The following COLQ variants were observed in gnomAD, a reference collection of about 807,000 sequenced individuals.
COLQ encodes the protein collagen like tail subunit of asymmetric acetylcholinesterase.
A neutral mutation model predicts 69.0 loss-of-function variants in COLQ; 48 were observed. The observed-to-expected ratio is 0.70, with a 90% CI of 0.55 to 0.88. The LOEUF is 0.88. Ranked by LOEUF, COLQ falls within the 40% of genes least tolerant of loss-of-function variation. The pLI is 0.00. For missense variants in COLQ, 618 were observed against 594.6 expected (o/e 1.04, Z -0.41); for synonymous variants, 217 against 211.2 (o/e 1.03, Z -0.24).
At position 15,451,601 on chromosome 3, in the gene COLQ, C is replaced by A. The variant is rs773025427; in HGVS notation, c.*43G>T. On this transcript the variant is annotated 3_prime_UTR_variant, in exon 17 of 17. Transcript: ENST00000383788. The stretch of plus-strand genomic sequence containing the variant: ...CAGTTTGATGACAGTGGAGAAGCTG[C>A]TGCCAGTTCTGTGGGGCGCAGCCCA... The A allele has an allele frequency of 3.2e-6, 5 of 1,581,014 alleles. No individual in the cohort carries two copies. In the South Asian group the frequency reaches 4.4e-5, roughly 14 times the overall value.
In COLQ at chr3:15,491,013, T is replaced by C. The variant is rs534282677; in HGVS notation, c.107-1376A>G. 3.2e-4 allele frequency among the ~76,000 whole-genome samples: 49 copies of C among 151,754 alleles called. No individual in the cohort carries two copies. The South Asian group carries it at 8.5e-3, about 26-fold the overall frequency. ...TGGGCATTGGCCAGGACCATATATATGTTCTCTGGTGTTTGCACTGAGAAA... is the reference window on the plus strand; with the variant it reads ...TGGGCATTGGCCAGGACCATATATACGTTCTCTGGTGTTTGCACTGAGAAA... On this transcript the variant is annotated intron_variant, in intron 1 of 16. Transcript: ENST00000383788.
In COLQ at chr3:15,521,675, G is replaced by A; in HGVS notation, c.-50C>T. Reference sequence around the variant, plus strand: ...AAGTTAGAAAGGAGGCTGCTGCGGAGCCTTGCTTATCTCTGCTTTTCTCTT... The same window carrying A: ...AAGTTAGAAAGGAGGCTGCTGCGGAACCTTGCTTATCTCTGCTTTTCTCTT... On this transcript the variant is annotated 5_prime_UTR_variant, in exon 1 of 17. Coordinates refer to ENST00000383788, the MANE Select transcript of COLQ (RefSeq NM_005677.4). 6.2e-7 allele frequency: 1 copy of A among 1,611,242 alleles called. No homozygotes were observed. Among genetic ancestry groups the A allele is most frequent in the Non-Finnish European group, 8.5e-7 (1 of 1,178,954 alleles).
At chr3:15,505,564 A>G (rs956922266) in intron 1 of COLQ, among the ~76,000 whole-genome samples, 14 of 152,250 alleles carry the variant, frequency 9.2e-5, no homozygotes, top group African/African-American at 3.4e-4. Context: ...AGACAATGCT[A>G]TTAGGAGCCA....
Position 15,503,667 on chromosome 3 carries a change from A to G in COLQ, c.107-14030T>C, listed in dbSNP as rs536721537. On this transcript the variant is annotated intron_variant, in intron 1 of 16. Coordinates refer to ENST00000383788, the MANE Select transcript of COLQ (RefSeq NM_005677.4). ...GATCCCCGCAACAGCCCCACAAGGT[A>G]TATATTAGTACTGTCATCCTCATTT... Among the ~76,000 whole-genome samples the G allele has an allele frequency of 3.9e-5, 6 of 152,204 alleles. No homozygotes were observed. In the South Asian group the frequency reaches 1.2e-3, roughly 32 times the overall value.
intron 1 of COLQ, among the ~76,000 whole-genome samples, chr3:15,510,860 AAG>A (rs2062977012): frequency 1.1e-5 from 1 of 88,464 alleles, no homozygotes; most frequent in African/African-American, 4.9e-5. Flanking sequence ...GGAAGGAAAG[AAG>A]GAAGGAAGGA....
intron 12 of COLQ, among the ~76,000 whole-genome samples, chr3:15,459,270 C>T (rs1299303203): frequency 6.6e-6 from 1 of 152,110 alleles, no homozygotes; most frequent in African/African-American, 2.4e-5. Context: ...GAGGACATGT[C>T]TTGAAAAGAT....
chr3:15,454,682 G>T (rs2062001494), intron 15 of COLQ, among the ~76,000 whole-genome samples: 2 of 141,740 alleles, frequency 1.4e-5, no homozygotes, highest in South Asian at 2.2e-4. Flanking sequence ...TTGAGACAGG[G>T]TCTCGCTCTG....
chr3:15,458,464 AG>A lies in COLQ; in HGVS notation c.815-140del, dbSNP rs2062058151. 4 of 938,884 alleles carry A rather than the reference AG, an allele frequency of 4.3e-6. No homozygotes were observed. The East Asian group carries it at 7.5e-5, about 18-fold the overall frequency. 58.2% of individuals were successfully genotyped at this position (938,884 alleles called of 1,614,324 possible). A position where few individuals can be genotyped will look rare whatever the true frequency, so the allele number is the denominator to read the frequency against. On this transcript the variant is annotated intron_variant, in intron 12 of 16. Transcript: ENST00000383788. Reference sequence around the variant, plus strand: ...GGGTATGCCTGAGGGAGAGGTTCAAAGAGATGCTTTTGATCCAAGACATGGA... The same window carrying A: ...GGGTATGCCTGAGGGAGAGGTTCAAAAGATGCTTTTGATCCAAGACATGGA...
chr3:15,484,728 T>C (rs997535605), intron 3 of COLQ, among the ~76,000 whole-genome samples: 1 of 152,256 alleles, frequency 6.6e-6, no homozygotes, highest in Non-Finnish European at 1.5e-5. Flanking sequence ...AGCTTGTGCA[T>C]GTGTTGTGTA....
At chr3:15,483,368 C>T (rs1376645742) in intron 3 of COLQ, among the ~76,000 whole-genome samples, 1 of 152,176 alleles carries the variant, frequency 6.6e-6, no homozygotes, top group Admixed American at 6.5e-5. Context: ...AAATTTCCCC[C>T]TACACACTGC....
chr3:15,479,519 G>A, intron 3 of COLQ, 137 bp from the exon 4 acceptor site: 1 of 850,798 alleles, frequency 1.2e-6, no homozygotes, highest in Non-Finnish European at 2.0e-6. Context: ...GACCCATGGA[G>A]GCTTTTCCTT....
At chr3:15,483,200 G>A (rs535069524) in intron 3 of COLQ, among the ~76,000 whole-genome samples, 1 of 152,110 alleles carries the variant, frequency 6.6e-6, no homozygotes, top group South Asian at 2.1e-4. Context: ...GTTTTTTCGT[G>A]TCTCTATCTC....
chr3:15,498,156 C>G (rs2062775176), intron 1 of COLQ, among the ~76,000 whole-genome samples: 1 of 152,064 alleles, frequency 6.6e-6, no homozygotes, highest in South Asian at 2.1e-4. Flanking sequence ...TACTTCAAAG[C>G]CAAGGTACCA....
In COLQ at chr3:15,477,074, T is replaced by C. The variant is rs79479403; in HGVS notation, c.465+52A>G. On this transcript the variant is annotated intron_variant, in intron 6 of 16. Transcript: ENST00000383788. ...CCAGGAGCCAGGAAAGCTGCCATCT[T>C]CCCCCCTCTTGTTTTGACACCGCAT... 3,190 of 1,508,748 alleles carry C rather than the reference T, an allele frequency of 2.1e-3. 58 individuals are homozygous for C. The African/African-American group carries it at 0.038, about 18-fold the overall frequency. 93.5% of individuals were successfully genotyped at this position (1,508,748 alleles called of 1,614,324 possible). A position where few individuals can be genotyped will look rare whatever the true frequency, so the allele number is the denominator to read the frequency against.
At chr3:15,464,589 C>T (rs1285478842) in intron 12 of COLQ, among the ~76,000 whole-genome samples, 2 of 152,122 alleles carry the variant, frequency 1.3e-5, no homozygotes, top group Non-Finnish European at 2.9e-5. Context: ...AAGGATCTAA[C>T]AAAATATGAC....
At chr3:15,495,425 G>C (rs922923269) in intron 1 of COLQ, among the ~76,000 whole-genome samples, 2 of 152,198 alleles carry the variant, frequency 1.3e-5, no homozygotes, top group African/African-American at 4.8e-5. Flanking sequence ...TTCATATCTA[G>C]AAGAGAGTGG....
chr3:15,493,207 G>A (rs1355972201), intron 1 of COLQ, among the ~76,000 whole-genome samples: 1 of 152,238 alleles, frequency 6.6e-6, no homozygotes, highest in Non-Finnish European at 1.5e-5. Context: ...GCTAGCTGGG[G>A]AGGTGGCTGA....
intron 11 of COLQ, among the ~76,000 whole-genome samples, chr3:15,468,458 G>A (rs539494014): frequency 1.4e-4 from 21 of 149,284 alleles, no homozygotes; most frequent in African/African-American, 4.9e-4. Context: ...AGTTTCCCAA[G>A]CAGCTGGGAC....
chr3:15,477,520 T>TA (rs1232868841), intron 5 of COLQ: 3 of 363,464 alleles, frequency 8.3e-6, no homozygotes, highest in Non-Finnish European at 1.6e-5. Context: ...AAGGATGTGC[T>TA]ATGGAATGAG....
Sources: allele counts gnomAD v4.1 joint callset (sites outside exome capture counted in the v4.1 genomes callset), GRCh38; gene constraint gnomAD v4.1.1; transcripts MANE v1.5; gene names NCBI Gene and HGNC (gene_info 2026-07-23, HGNC 2026-07-21).